The following STAB2 variants were observed in gnomAD, a reference collection of about 807,000 sequenced individuals.
The protein encoded by STAB2 is stabilin-2.
STAB2 carries 288 observed loss-of-function variants against 338.1 expected under a neutral mutation model. That is an observed-to-expected ratio of 0.85 (90% confidence interval 0.77 to 0.94). The LOEUF (loss-of-function observed/expected upper bound fraction) is 0.94, where lower values mean the gene tolerates loss of function less well. Among genes scored for constraint, STAB2 ranks in the 40% least tolerant of loss-of-function variants. The pLI is 0.00. For synonymous variants in STAB2, 1,202 were observed against 1,193.3 expected, an observed-to-expected ratio of 1.01 and a Z score of -0.15; for missense variants, 3,141 against 3,210.1, an observed-to-expected ratio of 0.98 and a Z score of 0.52.
Position 103,755,411 on chromosome 12 carries a change from A to G in STAB2, c.6824A>G (p.Tyr2275Cys), listed in dbSNP as rs1325367759. 4 of 1,614,024 alleles carry G rather than the reference A, an allele frequency of 2.5e-6. No homozygotes were observed. The African/African-American group carries it at 4.0e-5, about 16-fold the overall frequency. ...CGSGVVGIVD[Y>C]GPRPNKSEMW... ...TCTGGTGTGGTTGGGATAGTGGACT[A>G]TGGACCTAGACCCAACAAGAGTGAA... The change falls in exon 62 of 69, where the codon TAT (tyrosine) becomes TGT (cysteine). Residue 2275 changes from tyrosine to cysteine, a missense_variant. Physicochemically the swap from Tyr to Cys is radical, Grantham distance 194. Coordinates refer to ENST00000388887, the MANE Select transcript of STAB2 (RefSeq NM_017564.10).
chr12:103,654,654 A>G lies in STAB2; in HGVS notation c.1507A>G (p.Arg503Gly), dbSNP rs1225615604. ...CAATGGGCTTCTGCACATCCTTGAC[A>G]GAGCCATGGACAAGTTAGAACCCAC... ...ASNGLLHILD[R>G]AMDKLEPTFE... Residue 503 changes from arginine (R) to glycine (G), a missense_variant, in exon 13 of 69, where the codon AGA becomes GGA. Coordinates refer to ENST00000388887, the MANE Select transcript of STAB2 (RefSeq NM_017564.10). 1 of 1,614,204 alleles carries G rather than the reference A, an allele frequency of 6.2e-7. No homozygotes were observed. The highest frequency in any genetic ancestry group is 8.5e-7 in the Non-Finnish European group (1 of 1,180,014).
intron 1 of STAB2, among the ~76,000 whole-genome samples, chr12:103,588,286 T>C (rs924594491): frequency 2.6e-5 from 4 of 152,258 alleles, no homozygotes; most frequent in African/African-American, 9.6e-5. Flanking sequence ...TATGGGAAGA[T>C]GGCCTAATGG....
chr12:103,591,883 C>A (rs1049504438), intron 2 of STAB2, among the ~76,000 whole-genome samples: 1 of 152,174 alleles, frequency 6.6e-6, no homozygotes, highest in Non-Finnish European at 1.5e-5. Flanking sequence ...TGTATTTGCG[C>A]AGCCTGTTTC....
chr12:103,661,120 A>G (rs1402436903), intron 17 of STAB2, among the ~76,000 whole-genome samples: 1 of 151,808 alleles, frequency 6.6e-6, no homozygotes, highest in Admixed American at 6.6e-5. Flanking sequence ...GTCTGAGAGC[A>G]TCTTCAGGCC....
Position 103,761,534 on chromosome 12 carries a change from G to A in STAB2, c.7359+124G>A, listed in dbSNP as rs1884541828. The A allele has an allele frequency of 6.1e-6, 5 of 824,236 alleles. No homozygotes were observed. In the South Asian group the frequency reaches 8.6e-5, roughly 14 times the overall value. The allele number at this position is 824,236 out of a possible 1,614,324, so 51.1% of individuals were successfully genotyped here. Reference sequence around the variant, plus strand: ...CCTCCAGAGACTGGAGGAGCCTCCAGCCTCCAACCTCCAAGGTAGCTGGCC... The same window carrying A: ...CCTCCAGAGACTGGAGGAGCCTCCAACCTCCAACCTCCAAGGTAGCTGGCC... On this transcript the variant is annotated intron_variant, in intron 66 of 68. Coordinates refer to ENST00000388887, the MANE Select transcript of STAB2 (RefSeq NM_017564.10).
intron 62 of STAB2, 22 bp from the exon 63 acceptor site, chr12:103,755,590 C>G (rs751622820): frequency 1.9e-6 from 3 of 1,613,700 alleles, no homozygotes; most frequent in Non-Finnish European, 1.7e-6. Context: ...TGTGTGGGAC[C>G]CTGTGTGCCT....
intron 44 of STAB2, among the ~76,000 whole-genome samples, chr12:103,718,760 A>C (rs1880528113): frequency 6.6e-6 from 1 of 152,236 alleles, no homozygotes; most frequent in Non-Finnish European, 1.5e-5. Flanking sequence ...ATGAAGCAAC[A>C]GATGGGTTAT....
At chr12:103,647,960 C>T (rs1873456233) in intron 9 of STAB2, among the ~76,000 whole-genome samples, 1 of 152,108 alleles carries the variant, frequency 6.6e-6, no homozygotes, top group African/African-American at 2.4e-5. Flanking sequence ...CTATTGAGCA[C>T]CTATTATGGA....
At chr12:103,591,818 G>A (rs1431383194) in intron 2 of STAB2, among the ~76,000 whole-genome samples, 3 of 152,184 alleles carry the variant, frequency 2.0e-5, no homozygotes, top group Admixed American at 6.5e-5. Flanking sequence ...GATGACAAGT[G>A]GTTCTGCTCA....
chr12:103,740,922 T>C (rs1882534746), intron 55 of STAB2, among the ~76,000 whole-genome samples, 166 bp downstream of exon 55: 1 of 152,226 alleles, frequency 6.6e-6, no homozygotes, highest in Non-Finnish European at 1.5e-5. Context: ...CCTTCTACTT[T>C]GGCATATTTT....
intron 18 of STAB2, among the ~76,000 whole-genome samples, chr12:103,664,526 C>T (rs1874908253): frequency 6.6e-6 from 1 of 152,134 alleles, no homozygotes; most frequent in Admixed American, 6.5e-5. Context: ...AAAACATAAC[C>T]CCAAGTTTTA....
At chr12:103,624,459 A>G (rs980540647) in intron 5 of STAB2, among the ~76,000 whole-genome samples, 6 of 152,228 alleles carry the variant, frequency 3.9e-5, no homozygotes, top group African/African-American at 1.4e-4. Context: ...AAGTTTATGA[A>G]GCATGCTATC....
chr12:103,640,270 A>G lies in STAB2; in HGVS notation c.1040+14A>G, dbSNP rs115840458. On this transcript the variant is annotated intron_variant, in intron 9 of 68. Coordinates refer to ENST00000388887, the MANE Select transcript of STAB2 (RefSeq NM_017564.10). ...AGGCCGAACTGAGTAAGTCTTTTCAATTCCTCCACCAACATTTCCAAGTGG... is the reference window on the plus strand; with the variant it reads ...AGGCCGAACTGAGTAAGTCTTTTCAGTTCCTCCACCAACATTTCCAAGTGG... 0.058 allele frequency: 92,863 copies of G among 1,602,354 alleles called. 3,134 individuals carry two copies. The highest frequency in any genetic ancestry group is 0.067 in the Non-Finnish European group (78,569 of 1,172,440).
chr12:103,761,182 A>G (rs1478758752), intron 65 of STAB2, 118 bp from the exon 66 acceptor site: 4 of 836,872 alleles, frequency 4.8e-6, no homozygotes, highest in Non-Finnish European at 7.8e-6. Flanking sequence ...GCTGCCTATC[A>G]GTGGAGACAA....
At chr12:103,643,169 G>A (rs1873049505) in intron 9 of STAB2, among the ~76,000 whole-genome samples, 1 of 152,038 alleles carries the variant, frequency 6.6e-6, no homozygotes, top group African/African-American at 2.4e-5. Flanking sequence ...AGCTCTCTGG[G>A]ACCTCTTTTC....
chr12:103,611,114 G>A (rs1241614398), intron 3 of STAB2, among the ~76,000 whole-genome samples: 1 of 152,110 alleles, frequency 6.6e-6, no homozygotes, highest in Non-Finnish European at 1.5e-5. Flanking sequence ...CCAACTATGT[G>A]GTCAATTTTG....
chr12:103,708,632 A>T, intron 39 of STAB2, 96 bp downstream of exon 39: 1 of 1,126,778 alleles, frequency 8.9e-7, no homozygotes, highest in South Asian at 1.5e-5. Flanking sequence ...ACCTTTTTTT[A>T]CTTCTTCTGG....
At chr12:103,712,272 G>C (rs1879931601) in intron 40 of STAB2, 95 bp from the exon 41 acceptor site, 2 of 948,586 alleles carry the variant, frequency 2.1e-6, no homozygotes, top group Non-Finnish European at 3.5e-6. Context: ...CATGGGGGCA[G>C]GGGCCAGGAT....
chr12:103,649,973 C>G (rs890743321), intron 10 of STAB2, among the ~76,000 whole-genome samples: 1 of 152,144 alleles, frequency 6.6e-6, no homozygotes, highest in Non-Finnish European at 1.5e-5. Context: ...GTCCCAGCTT[C>G]CCCAGGTGAT....
Sources: gnomAD v4.1 joint callset for allele counts (sites outside exome capture counted in the v4.1 genomes callset) on GRCh38, gnomAD v4.1.1 for gene constraint, MANE v1.5 for transcripts, NCBI Gene and HGNC (gene_info 2026-07-23, HGNC 2026-07-21) for gene names.